CFAP46: variants seen among roughly 807,000 people sequenced by gnomAD.
CFAP46 encodes cilia- and flagella-associated protein 46.
In CFAP46, 245 loss-of-function variants were observed where a neutral mutation model predicts 325.7. That is an observed-to-expected ratio of 0.75 (90% CI 0.68 to 0.84). The LOEUF is 0.84. CFAP46 is among the 40% of genes least tolerant of loss of function. The pLI, the probability that CFAP46 is intolerant of heterozygous loss-of-function variation, is 0.00. For missense variants in CFAP46, 3,346 were observed against 3,543.0 expected, an observed-to-expected ratio of 0.94 and a Z score of 1.41; for synonymous variants, 1,523 against 1,495.9, an observed-to-expected ratio of 1.02 and a Z score of -0.42.
rs1848289789 is a variant in CFAP46, at chr10:132,837,896, C to T, written c.6439-982G>A. On this transcript the variant is annotated intron_variant, in intron 44 of 57. Transcript: ENST00000368586. ...ACACACAGACATGCACGGACACACA[C>T]AGATGAACACATACACGGACCCAGA... Among the ~76,000 whole-genome samples, 8 of 106,910 alleles carry T rather than the reference C, an allele frequency of 7.5e-5. No individual in the cohort carries two copies. In the Admixed American group the frequency reaches 7.9e-4, roughly 11 times the overall value. 70.1% of individuals were successfully genotyped at this position (106,910 alleles called of 152,430 possible).
Position 132,885,831 on chromosome 10 carries a change from C to A in CFAP46, c.3433G>T (p.Ala1145Ser). The A allele has an allele frequency of 6.7e-7, 1 of 1,495,096 alleles. No homozygotes were observed. Among genetic ancestry groups the A allele is most frequent in the Non-Finnish European group, 9.0e-7 (1 of 1,113,618 alleles). 92.6% of individuals were successfully genotyped at this position (1,495,096 alleles called of 1,614,324 possible). A position where few individuals can be genotyped will look rare whatever the true frequency, so the allele number is the denominator to read the frequency against. ...GGGGGGAGCACTCACAGGCGGTGGG[C>A]CGTCCTTGGCAGCACCTGCACAGCC... ...DEAVQVLPRTAHRLLIFKHMV... is the reference protein window; with the variant it reads ...DEAVQVLPRTSHRLLIFKHMV... The change falls in exon 26 of 58, where the codon GCC becomes TCC. Residue 1145 changes from alanine (A) to serine (S), a missense_variant. Physicochemically the swap from Ala to Ser is moderately conservative, Grantham distance 99. Transcript: ENST00000368586.
In CFAP46 at chr10:132,814,565, T is replaced by C. The variant is rs1250401181; in HGVS notation, c.7285+12A>G. 1.6e-5 allele frequency: 25 copies of C among 1,557,298 alleles called. No individual in the cohort carries two copies. Among genetic ancestry groups the C allele is most frequent in the Non-Finnish European group, 2.2e-5 (25 of 1,151,046 alleles). The stretch of plus-strand genomic sequence containing the variant: ...GCGTGTGCCTGAACAGGGAGCCCTG[T>C]GCAGCACCCACCTGGGCCCTGGGCC... On this transcript the variant is annotated intron_variant, in intron 53 of 57. Transcript: ENST00000368586.
intron 55 of CFAP46, among the ~76,000 whole-genome samples, chr10:132,811,408 G>T (rs1329383364): frequency 6.6e-6 from 1 of 152,200 alleles, no homozygotes; most frequent in Non-Finnish European, 1.5e-5. Context: ...CCTCCCCAAG[G>T]ACGGAGGGAC....
chr10:132,913,339 TAGGAACCAGGCTGCA>T, intron 17 of CFAP46, 81 bp from the exon 18 acceptor site: 3 of 982,110 alleles, frequency 3.1e-6, no homozygotes, highest in East Asian at 2.9e-5. Context: ...CGGGGCCTGT[TAGGAACCAGGCTGCA>T]GGGCAAGAAG....
At chr10:132,907,976 G>A (rs1019436019) in intron 22 of CFAP46, among the ~76,000 whole-genome samples, 3 of 152,196 alleles carry the variant, frequency 2.0e-5, no homozygotes, top group East Asian at 1.9e-4. Flanking sequence ...GGAGCCCCCC[G>A]GTCTGTGGCC....
At position 132,919,749 on chromosome 10, in the gene CFAP46, C is replaced by T. The variant is rs935590144; in HGVS notation, c.1731-307G>A. On this transcript the variant is annotated intron_variant, in intron 14 of 57. Transcript: ENST00000368586. The surrounding 1 kb of genome is among the most constrained non-coding windows in gnomAD (Gnocchi z 9.7). ...CAGGCCTCCCGGGGATGGTACCGAC[C>T]GCAGGGTCGGTACCAAAAATCAGCC... Among the ~76,000 whole-genome samples the T allele has an allele frequency of 6.6e-6, 1 of 152,032 alleles. No homozygotes were observed. The highest frequency in any genetic ancestry group is 6.5e-5 in the Admixed American group (1 of 15,280).
intron 44 of CFAP46, among the ~76,000 whole-genome samples, chr10:132,839,972 A>G (rs1848323324): frequency 6.6e-6 from 1 of 152,180 alleles, no homozygotes; most frequent in African/African-American, 2.4e-5. Context: ...TTCTAGTGTC[A>G]ACGTTCATCT....
chr10:132,901,337 A>G (rs74798319), intron 22 of CFAP46, among the ~76,000 whole-genome samples: 8,532 of 152,272 alleles, frequency 0.056, 339 homozygotes, highest in Middle Eastern at 0.085. Flanking sequence ...TTTGACTTAC[A>G]TGTTCTTTGT....
intron 54 of CFAP46, among the ~76,000 whole-genome samples, chr10:132,813,192 A>G (rs1847616753): frequency 6.6e-6 from 1 of 152,030 alleles, no homozygotes; most frequent in African/African-American, 2.4e-5. Flanking sequence ...GGCTTTCCCA[A>G]TGGCCCAGCA....
At chr10:132,935,548 C>CAT (rs1849984537) in intron 7 of CFAP46, among the ~76,000 whole-genome samples, 32 of 129,098 alleles carry the variant, frequency 2.5e-4, no homozygotes, top group African/African-American at 5.7e-4. Context: ...CCCCTCGGCA[C>CAT]CCAAACACAC....
chr10:132,902,276 G>A (rs1259336309), intron 22 of CFAP46, among the ~76,000 whole-genome samples: 2 of 151,644 alleles, frequency 1.3e-5, no homozygotes, highest in Admixed American at 6.5e-5. Flanking sequence ...GGTCACAGAC[G>A]GAAAGCTCTG....
Position 132,835,285 on chromosome 10 carries a change from G to A in CFAP46, c.6744+19C>T. ...GCAGAGGGTCCCGGCTGGGTGGCTT[G>A]GAGCCTGGAGGGCCTCACCGAGCCT... On this transcript the variant is annotated intron_variant, in intron 47 of 57. Transcript: ENST00000368586. The A allele has an allele frequency of 1.2e-6, 2 of 1,610,826 alleles. No individual in the cohort carries two copies. The highest frequency in any genetic ancestry group is 1.7e-6 in the Non-Finnish European group (2 of 1,178,980).
intron 8 of CFAP46, 86 bp from the exon 9 acceptor site, chr10:132,929,890 A>C (rs1849866940): frequency 1.1e-6 from 1 of 896,200 alleles, no homozygotes; most frequent in African/African-American, 1.7e-5. Context: ...CCCCCGTTCA[A>C]GCAGAAGCAG....
rs1013904192 is a variant in CFAP46 at position 132,832,849 on chromosome 10, C to G, written c.7117+509G>C. 1 of 469,740 alleles carries G rather than the reference C, an allele frequency of 2.1e-6. No homozygotes were observed. Among genetic ancestry groups the G allele is most frequent in the Non-Finnish European group, 4.4e-6 (1 of 226,022 alleles). The allele number at this position is 469,740 out of a possible 1,614,324, so 29.1% of individuals were successfully genotyped here. A position where few individuals can be genotyped will look rare whatever the true frequency, so the allele number is the denominator to read the frequency against. ...TGGCTGTTTACTACACATCTGGTCCCCTCCTTTGAAACAGGTATTTGTGGG... is the reference window on the plus strand; with the variant it reads ...TGGCTGTTTACTACACATCTGGTCCGCTCCTTTGAAACAGGTATTTGTGGG... On this transcript the variant is annotated intron_variant, in intron 50 of 57. Transcript: ENST00000368586. This position sits in a 1 kb window ranked among gnomAD's most constrained non-coding sequence, Gnocchi z 4.1.
At position 132,884,971 on chromosome 10, in the gene CFAP46, T is replaced by C. The variant is rs1849099865; in HGVS notation, c.3627+132A>G. On this transcript the variant is annotated intron_variant, in intron 27 of 57. Coordinates refer to ENST00000368586, the MANE Select transcript of CFAP46 (RefSeq NM_001200049.3). This position sits in a 1 kb window ranked among gnomAD's most constrained non-coding sequence, Gnocchi z 5.4. ...GTGCCCGGGGCCACGCGGTGCATTC[T>C]CTGTGCCCGTCAGCTGTGGCTGCTC... 1 of 982,062 alleles carries C rather than the reference T, an allele frequency of 1.0e-6. No homozygotes were observed. The highest frequency in any genetic ancestry group is 1.6e-5 in the African/African-American group (1 of 60,608). The allele number at this position is 982,062 out of a possible 1,614,324, so 60.8% of individuals were successfully genotyped here. A position where few individuals can be genotyped will look rare whatever the true frequency, so the allele number is the denominator to read the frequency against.
Position 132,939,647 on chromosome 10 carries a change from G to T in CFAP46, c.372-894C>A, listed in dbSNP as rs1850066753. ...AGGACAGGACTCATCCTGTTTCCAG[G>T]TTTTCAGGAGAGGAGCGGAGGTGCG... On this transcript the variant is annotated intron_variant, in intron 4 of 57. Coordinates refer to ENST00000368586, the MANE Select transcript of CFAP46 (RefSeq NM_001200049.3). The surrounding 1 kb of genome is among the most constrained non-coding windows in gnomAD (Gnocchi z 4.6). 6.6e-6 allele frequency among the ~76,000 whole-genome samples: 1 copy of T among 152,176 alleles called. No individual in the cohort carries two copies. The highest frequency in any genetic ancestry group is 2.1e-4 in the South Asian group (1 of 4,832).
intron 50 of CFAP46, among the ~76,000 whole-genome samples, chr10:132,830,689 C>T (rs1848134284): frequency 6.6e-6 from 1 of 152,114 alleles, no homozygotes; most frequent in Non-Finnish European, 1.5e-5. Context: ...TTGTGTCTCT[C>T]TTTTTTCCTG....
chr10:132,941,471 A>C, intron 3 of CFAP46, 120 bp downstream of exon 3: 4 of 1,305,644 alleles, frequency 3.1e-6, no homozygotes, highest in Non-Finnish European at 3.2e-6. Context: ...TCACTCTGGA[A>C]AGGAATTCCT....
intron 44 of CFAP46, among the ~76,000 whole-genome samples, chr10:132,838,427 G>A (rs1394153211): frequency 6.6e-6 from 1 of 152,296 alleles, no homozygotes; most frequent in Non-Finnish European, 1.5e-5. Context: ...GGGCACACCT[G>A]TGTGGCCAGG....
Sources: allele counts gnomAD v4.1 joint callset (sites outside exome capture counted in the v4.1 genomes callset), GRCh38; gene constraint gnomAD v4.1.1; non-coding constraint Gnocchi (gnomAD v3.1); transcripts MANE v1.5; gene names NCBI Gene and HGNC (gene_info 2026-07-23, HGNC 2026-07-21).